Variants in MYOCD observed in about 807,000 individuals in gnomAD.
MYOCD encodes myocardin.
Under a neutral mutation model 96.1 loss-of-function variants are expected in MYOCD, and 32 were observed. That is an observed-to-expected ratio of 0.33 (90% CI 0.25 to 0.45). MYOCD has a LOEUF of 0.45. Among genes scored for constraint, MYOCD ranks in the 20% least tolerant of loss-of-function variants. The pLI, the probability that MYOCD is intolerant of heterozygous loss-of-function variation, is 1.00. For missense variants in MYOCD, 1,133 were observed against 1,200.6 expected, an observed-to-expected ratio of 0.94 and a Z score of 0.83; for synonymous variants, 469 against 469.0, an observed-to-expected ratio of 1.00 and a Z score of 0.00.
At chr17:12,677,455 G>C (rs940560699) in intron 1 of MYOCD, among the ~76,000 whole-genome samples, 1 of 152,232 alleles carries the variant, frequency 6.6e-6, no homozygotes, top group Non-Finnish European at 1.5e-5. Context: ...GCTCACGCCT[G>C]TAATCCCAGC....
chr17:12,678,950 A>G (rs12150135), intron 1 of MYOCD, among the ~76,000 whole-genome samples: 18,694 of 152,030 alleles, frequency 0.12, 2,182 homozygotes, highest in African/African-American at 0.31. Flanking sequence ...TTTTCTACCA[A>G]TTCTGTGAGA....
chr17:12,747,026 C>A (rs566238315), intron 9 of MYOCD, among the ~76,000 whole-genome samples: 165 of 77,256 alleles, frequency 2.1e-3, no homozygotes, highest in African/African-American at 6.9e-3. Context: ...CCCTGCCCAG[C>A]CCCTACCAAT....
At chr17:12,750,734 GTCT>G (rs143534615) in intron 9 of MYOCD, among the ~76,000 whole-genome samples, 24,676 of 151,962 alleles carry the variant, frequency 0.16, 2,131 homozygotes, top group Admixed American at 0.25. Flanking sequence ...CTAACACAAA[GTCT>G]TCTTATTCAT....
rs565175231 is a variant in MYOCD at position 12,666,009 on chromosome 17, G to C, written c.-180G>C. On this transcript the variant is annotated 5_prime_UTR_variant, in exon 1 of 14. Coordinates refer to ENST00000425538, the MANE Select transcript of MYOCD (RefSeq NM_001146312.3). ...GAGTTAATTAGCCCCGCACGGCGAG[G>C]GGGGAGGCGCCAGTTTTCTGGGGAC... 397 of 554,064 alleles carry C rather than the reference G, an allele frequency of 7.2e-4. No individual in the cohort carries two copies. Among genetic ancestry groups the C allele is most frequent in the Admixed American group, 6.2e-4 (19 of 30,832 alleles). 34.3% of individuals were successfully genotyped at this position (554,064 alleles called of 1,614,324 possible).
chr17:12,756,640 G>C (rs548845678), intron 11 of MYOCD, 83 bp downstream of exon 11: 1 of 1,306,280 alleles, frequency 7.7e-7, no homozygotes, highest in East Asian at 3.3e-5. Flanking sequence ...AAGTTGCAGT[G>C]AGCCGAGATC....
intron 1 of MYOCD, among the ~76,000 whole-genome samples, chr17:12,675,155 C>T (rs796668552): frequency 5.3e-5 from 8 of 152,254 alleles, no homozygotes; most frequent in African/African-American, 9.6e-5. Flanking sequence ...AACTCACTAG[C>T]GTTCAAGAAA....
intron 2 of MYOCD, among the ~76,000 whole-genome samples, chr17:12,706,626 T>A (rs1446673981): frequency 6.6e-6 from 1 of 152,192 alleles, no homozygotes; most frequent in Non-Finnish European, 1.5e-5. Context: ...GAATAAATAT[T>A]TTTGGAGGGA....
At chr17:12,678,042 A>C (rs1459698709) in intron 1 of MYOCD, among the ~76,000 whole-genome samples, 2 of 150,998 alleles carry the variant, frequency 1.3e-5, no homozygotes, top group African/African-American at 4.9e-5. Flanking sequence ...GCAGGCGTGC[A>C]CCACCACGCC....
chr17:12,729,633 A>G (rs1018035276), intron 5 of MYOCD, among the ~76,000 whole-genome samples: 1 of 151,896 alleles, frequency 6.6e-6, no homozygotes, highest in Non-Finnish European at 1.5e-5. Flanking sequence ...GCTGGAGTGC[A>G]ATGGCGCGAT....
intron 9 of MYOCD, among the ~76,000 whole-genome samples, chr17:12,748,813 A>G (rs975131653): frequency 6.6e-6 from 1 of 152,226 alleles, no homozygotes; most frequent in African/African-American, 2.4e-5. Flanking sequence ...CAAACCAGCA[A>G]ATCTAAAAGA....
At chr17:12,685,170 A>C (rs978793479) in intron 1 of MYOCD, among the ~76,000 whole-genome samples, 1 of 152,068 alleles carries the variant, frequency 6.6e-6, no homozygotes, top group African/African-American at 2.4e-5. Context: ...ATGGTGGCAC[A>C]TGCCTGTAAT....
At chr17:12,717,469 G>C (rs2031683703) in intron 4 of MYOCD, 48 bp downstream of exon 4, 1 of 1,466,818 alleles carries the variant, frequency 6.8e-7, no homozygotes, top group Non-Finnish European at 9.5e-7. Flanking sequence ...AGAATGGTGG[G>C]CCATTTTCCC....
At chr17:12,723,831 T>C (rs958553234) in intron 5 of MYOCD, among the ~76,000 whole-genome samples, 2 of 152,204 alleles carry the variant, frequency 1.3e-5, no homozygotes, top group Non-Finnish European at 2.9e-5. Flanking sequence ...ATTTAAATGT[T>C]TTGACACATT....
intron 1 of MYOCD, among the ~76,000 whole-genome samples, chr17:12,684,894 A>G (rs1342700167): frequency 6.6e-6 from 1 of 152,080 alleles, no homozygotes; most frequent in Non-Finnish European, 1.5e-5. Context: ...ACCTCATTAA[A>G]CCAAGCACAG....
In MYOCD at chr17:12,736,272, C is replaced by T. The variant is rs375719397; in HGVS notation, c.527C>T (p.Ala176Val). ...QTRSEDPQNSAGSPPDAKASD... is the reference protein window; with the variant it reads ...QTRSEDPQNSVGSPPDAKASD... ...CGAAGTGAAGACCCCCAAAACTCAG[C>T]GGGATCCCCGCCAGACGCTAAAGCC... Residue 176 changes from alanine to valine, a missense_variant, in exon 6 of 14, where the codon GCG becomes GTG. Transcript: ENST00000425538. 2.4e-4 allele frequency: 389 copies of T among 1,614,076 alleles called. No individual in the cohort carries two copies. The highest frequency in any genetic ancestry group is 3.1e-4 in the Non-Finnish European group (361 of 1,180,034).
intron 1 of MYOCD, among the ~76,000 whole-genome samples, chr17:12,703,519 A>G (rs1336495576): frequency 6.6e-6 from 1 of 151,992 alleles, no homozygotes; most frequent in Non-Finnish European, 1.5e-5. Context: ...ATTCCCTCTT[A>G]TAATTACGAA....
At chr17:12,710,992 T>C (rs1221157280) in intron 2 of MYOCD, among the ~76,000 whole-genome samples, 1 of 152,194 alleles carries the variant, frequency 6.6e-6, no homozygotes, top group Non-Finnish European at 1.5e-5. Context: ...TGTTCACAGA[T>C]GTTGCAATCA....
chr17:12,708,080 A>C (rs940494349), intron 2 of MYOCD, among the ~76,000 whole-genome samples: 1 of 152,082 alleles, frequency 6.6e-6, no homozygotes, highest in Non-Finnish European at 1.5e-5. Context: ...TTCTCTCTGC[A>C]GTGCTGGTTC....
chr17:12,735,936 A>G (rs182347998), intron 5 of MYOCD, among the ~76,000 whole-genome samples: 70 of 152,272 alleles, frequency 4.6e-4, no homozygotes, highest in Non-Finnish European at 8.8e-4. Flanking sequence ...ATAAAGTTTA[A>G]CAAGTGATGA....
Sources: gnomAD v4.1 joint callset for allele counts (sites outside exome capture counted in the v4.1 genomes callset) on GRCh38, gnomAD v4.1.1 for gene constraint, MANE v1.5 for transcripts, NCBI Gene and HGNC (gene_info 2026-07-23, HGNC 2026-07-21) for gene names.